The following ZFYVE28 variants were observed in gnomAD, a reference collection of about 807,000 sequenced individuals.
ZFYVE28 encodes the protein zinc finger FYVE-type containing 28.
Under a neutral mutation model 82.1 loss-of-function variants are expected in ZFYVE28, and 40 were observed. The ratio of observed to expected loss-of-function variants is 0.49; its 90% CI spans 0.38 to 0.63. The LOEUF (loss-of-function observed/expected upper bound fraction) is 0.63. Among genes scored for constraint, ZFYVE28 ranks in the 30% least tolerant of loss-of-function variants. ZFYVE28 has a pLI of 0.00. For synonymous variants in ZFYVE28, 612 were observed against 546.1 expected, an observed-to-expected ratio of 1.12 and a Z score of -1.68; for missense variants, 1,321 against 1,242.1, an observed-to-expected ratio of 1.06 and a Z score of -0.96.
chr4:2,295,136 A>G (rs1714338403), intron 8 of ZFYVE28, among the ~76,000 whole-genome samples: 1 of 150,542 alleles, frequency 6.6e-6, no homozygotes, highest in Admixed American at 6.7e-5. Flanking sequence ...TGCCAATCAT[A>G]TTTCAATAAA....
Position 2,335,655 on chromosome 4 carries a change from T to C in ZFYVE28, c.701+50A>G. On this transcript the variant is annotated intron_variant, in intron 6 of 12. Coordinates refer to ENST00000290974, the MANE Select transcript of ZFYVE28 (RefSeq NM_020972.3). This position sits in a 1 kb window ranked among gnomAD's most constrained non-coding sequence, Gnocchi z 5.8. ...GCACGGGACCTGGCACCATCAGCCC[T>C]GCCCGTCCCGCAGGTTTCTGCAGAG... 1 of 1,530,018 alleles carries C rather than the reference T, an allele frequency of 6.5e-7. No individual in the cohort carries two copies. Among genetic ancestry groups the C allele is most frequent in the Non-Finnish European group, 8.9e-7 (1 of 1,128,452 alleles). 94.8% of individuals were successfully genotyped at this position (1,530,018 alleles called of 1,614,324 possible).
chr4:2,290,840 C>T (rs1282793844), intron 8 of ZFYVE28, among the ~76,000 whole-genome samples: 1 of 152,176 alleles, frequency 6.6e-6, no homozygotes, highest in East Asian at 1.9e-4. Flanking sequence ...CCTCCTGGCC[C>T]AGCCCTGCCT....
chr4:2,322,743 CACT>C (rs1177648341), intron 6 of ZFYVE28, among the ~76,000 whole-genome samples: 1 of 152,160 alleles, frequency 6.6e-6, no homozygotes, highest in African/African-American at 2.4e-5. Flanking sequence ...TAATAATCAC[CACT>C]GACTTCCTCA....
intron 1 of ZFYVE28, among the ~76,000 whole-genome samples, chr4:2,404,932 C>T (rs113544656): frequency 4.1e-5 from 6 of 145,124 alleles, no homozygotes; most frequent in East Asian, 4.1e-4. Context: ...GTGGCACAGT[C>T]GTAGTTCACT....
intron 7 of ZFYVE28, among the ~76,000 whole-genome samples, chr4:2,306,709 TTTTG>T (rs1383494750): frequency 1.3e-5 from 2 of 152,222 alleles, no homozygotes; most frequent in African/African-American, 4.8e-5. Flanking sequence ...AAAAAGAGTT[TTTTG>T]TTTATCTGAA....
intron 1 of ZFYVE28, among the ~76,000 whole-genome samples, chr4:2,378,981 G>T (rs2108912165): frequency 6.6e-6 from 1 of 152,318 alleles, no homozygotes; most frequent in Middle Eastern, 3.4e-3. Flanking sequence ...CCTCTATGGG[G>T]TACATCTGCA....
rs1002566517 is a variant in ZFYVE28 at position 2,305,063 on chromosome 4, G to A, written c.1277C>T (p.Ala426Val). The A allele has an allele frequency of 9.9e-6, 16 of 1,611,162 alleles. No homozygotes were observed. Among genetic ancestry groups the A allele is most frequent in the Non-Finnish European group, 1.4e-5 (16 of 1,178,868 alleles). ...PESPAGPFGW[A>V]GSTWADPQEK... ...CTGGGGGTCGGCCCAGGTACTGCCTGCCCACCCAAATGGGCCAGCTGGGGA... is the reference window on the plus strand; with the variant it reads ...CTGGGGGTCGGCCCAGGTACTGCCTACCCACCCAAATGGGCCAGCTGGGGA... Residue 426 changes from alanine (A) to valine (V), a missense_variant, in exon 8 of 13, where the codon GCA (alanine) becomes GTA (valine). By Grantham distance (64) the Ala-to-Val change is moderately conservative. This residue lies in a region of ZFYVE28 where 978 missense variants were observed against 833.7 expected (regional missense o/e 1.17). Coordinates refer to ENST00000290974, the MANE Select transcript of ZFYVE28 (RefSeq NM_020972.3).
At chr4:2,345,463 A>C (rs1009828362) in intron 2 of ZFYVE28, among the ~76,000 whole-genome samples, 5 of 152,046 alleles carry the variant, frequency 3.3e-5, no homozygotes, top group African/African-American at 1.2e-4. Flanking sequence ...CCTCAGATTC[A>C]ATATTTCAGA....
chr4:2,344,422 G>A (rs1723224948), intron 2 of ZFYVE28, among the ~76,000 whole-genome samples: 1 of 152,160 alleles, frequency 6.6e-6, no homozygotes, highest in Admixed American at 6.5e-5. Context: ...CATGTGAACA[G>A]CAGTTAACTC....
At position 2,274,096 on chromosome 4, in the gene ZFYVE28, G is replaced by T; in HGVS notation, c.2172C>A (p.His724Gln). ...AGACGAACAGGCGGTGGATGAGGTC[G>T]TGGCTGCCGTGGAACCTGGACCGGA... Reference protein sequence around the residue: ...EKIRSRFHGSHDLIHRLFVCI... With the variant: ...EKIRSRFHGSQDLIHRLFVCI... Residue 724 changes from histidine to glutamine, a missense_variant, in exon 9 of 13, where the codon CAC (histidine) becomes CAA (glutamine). Around this residue, in one of 2 missense-constraint regions of ZFYVE28, gnomAD observed 978 missense variants for 833.7 expected, o/e 1.17. Transcript: ENST00000290974. 6.2e-7 allele frequency: 1 copy of T among 1,613,598 alleles called. No homozygotes were observed. The highest frequency in any genetic ancestry group is 1.3e-5 in the African/African-American group (1 of 75,036).
intron 2 of ZFYVE28, among the ~76,000 whole-genome samples, chr4:2,342,036 C>T (rs557558904): frequency 3.9e-5 from 6 of 152,294 alleles, no homozygotes; most frequent in African/African-American, 9.6e-5. Context: ...TGGGCTCAGA[C>T]GGACTCTCAG....
chr4:2,344,566 A>C (rs1429360446), intron 2 of ZFYVE28, among the ~76,000 whole-genome samples: 1 of 152,232 alleles, frequency 6.6e-6, no homozygotes, highest in African/African-American at 2.4e-5. Flanking sequence ...AGCCCCCAGC[A>C]GGGTGAAATT....
chr4:2,364,965 C>CG, intron 1 of ZFYVE28: 1 of 936,384 alleles, frequency 1.1e-6, no homozygotes, highest in Non-Finnish European at 1.3e-6. Flanking sequence ...GCCACAGAGC[C>CG]GGGGTGTCCC....
At chr4:2,329,006 C>G in intron 6 of ZFYVE28, 1 of 653,500 alleles carries the variant, frequency 1.5e-6, no homozygotes, top group Non-Finnish European at 2.8e-6. Context: ...ATGCCAGTAC[C>G]ATAAGGTTTT....
chr4:2,414,524 G>A (rs1435858089), intron 1 of ZFYVE28, among the ~76,000 whole-genome samples: 1 of 152,190 alleles, frequency 6.6e-6, no homozygotes, highest in Non-Finnish European at 1.5e-5. Context: ...CTCTGAAAAC[G>A]GTCTGGGGGT....
chr4:2,293,169 G>T lies in ZFYVE28; in HGVS notation c.2051+11120C>A, dbSNP rs141828299. On this transcript the variant is annotated intron_variant, in intron 8 of 12. Transcript: ENST00000290974. Reference sequence around the variant, plus strand: ...TCCTTTTTTATTTGAGAAGATGAAGGTCATCTGTGAAAATCCTACAGCTCA... The same window carrying T: ...TCCTTTTTTATTTGAGAAGATGAAGTTCATCTGTGAAAATCCTACAGCTCA... 1.6e-3 allele frequency among the ~76,000 whole-genome samples: 247 copies of T among 151,752 alleles called. 1 individual carries two copies. The highest frequency in any genetic ancestry group is 6.8e-3 in the Middle Eastern group (2 of 294).
intron 1 of ZFYVE28, among the ~76,000 whole-genome samples, chr4:2,369,178 G>C (rs1007807886): frequency 6.6e-6 from 1 of 152,184 alleles, no homozygotes; most frequent in Non-Finnish European, 1.5e-5. Context: ...CCTTCCTCCT[G>C]GTGACATCTG....
chr4:2,330,312 G>A (rs938580841), intron 6 of ZFYVE28: 15 of 989,184 alleles, frequency 1.5e-5, no homozygotes, highest in South Asian at 4.6e-5. Context: ...AGTAAGTCAC[G>A]CAACCTGCTG....
At position 2,304,351 on chromosome 4, in the gene ZFYVE28, G is replaced by A; in HGVS notation, c.1989C>T (p.Ala663=). 1 of 1,609,024 alleles carries A rather than the reference G, an allele frequency of 6.2e-7. No homozygotes were observed. The highest frequency in any genetic ancestry group is 1.3e-5 in the African/African-American group (1 of 75,064). ...AGGGGCTCCCAGCATGCAGCTCTCT[G>A]GCCTCTGGCTCCTGCTGACCTGCAA... ...AGVAGQQEPE[A]RELHAGSPSA... Residue 663 remains alanine (A), a synonymous_variant, in exon 8 of 13, where the codon GCC becomes GCT. Coordinates refer to ENST00000290974, the MANE Select transcript of ZFYVE28 (RefSeq NM_020972.3).
Sources: allele counts gnomAD v4.1 joint callset (sites outside exome capture counted in the v4.1 genomes callset), GRCh38; gene constraint gnomAD v4.1.1; regional missense constraint gnomAD v4.1.1; non-coding constraint Gnocchi (gnomAD v3.1); transcripts MANE v1.5; gene names NCBI Gene and HGNC (gene_info 2026-07-23, HGNC 2026-07-21).